The following SYN3 variants were observed in gnomAD, a reference collection of about 807,000 sequenced individuals.
SYN3 encodes synapsin-3.
Under a neutral mutation model 65.8 loss-of-function variants are expected in SYN3, and 35 were observed. That is an observed-to-expected ratio of 0.53 (90% confidence interval 0.41 to 0.70). The LOEUF is 0.70. Ranked by LOEUF, SYN3 falls within the 30% of genes least tolerant of loss-of-function variation. The pLI is 0.00. For missense variants in SYN3, 680 were observed against 749.0 expected (o/e 0.91, Z 1.08); for synonymous variants, 270 against 292.9 (o/e 0.92, Z 0.80).
At chr22:32,807,365 ATATAT>A (rs2046780864) in intron 6 of SYN3, among the ~76,000 whole-genome samples, 2 of 86,272 alleles carry the variant, frequency 2.3e-5, no homozygotes, top group Non-Finnish European at 4.3e-5. Context: ...AATATATAAT[ATATAT>A]TATATATAAT....
intron 1 of SYN3, among the ~76,000 whole-genome samples, chr22:33,049,801 G>A (rs2054130186): frequency 6.6e-6 from 1 of 152,180 alleles, no homozygotes; most frequent in East Asian, 1.9e-4. Flanking sequence ...CTGCTAACCT[G>A]TGAGCTAGAA....
chr22:32,728,930 A>T (rs982893525), intron 6 of SYN3, among the ~76,000 whole-genome samples: 1 of 152,160 alleles, frequency 6.6e-6, no homozygotes, highest in African/African-American at 2.4e-5. Context: ...AGAAGAGGAG[A>T]TGCAGGAAAG....
At chr22:32,552,049 A>C (rs937909399) in intron 7 of SYN3, among the ~76,000 whole-genome samples, 1 of 152,180 alleles carries the variant, frequency 6.6e-6, no homozygotes, top group Non-Finnish European at 1.5e-5. Context: ...AAGAGTTGAG[A>C]CCAGCCTGGC....
chr22:32,888,075 A>G (rs1382323497), intron 4 of SYN3, among the ~76,000 whole-genome samples: 1 of 152,188 alleles, frequency 6.6e-6, no homozygotes, highest in Non-Finnish European at 1.5e-5. Context: ...CTGATGATTA[A>G]TGATGTTTAA....
intron 3 of SYN3, among the ~76,000 whole-genome samples, chr22:32,948,554 G>A (rs1294470845): frequency 6.6e-6 from 1 of 151,950 alleles, no homozygotes; most frequent in East Asian, 1.9e-4. Flanking sequence ...GGCTAACATG[G>A]TGAAACCTCG....
At chr22:32,921,137 T>C (rs1433353010) in intron 4 of SYN3, among the ~76,000 whole-genome samples, 4 of 152,146 alleles carry the variant, frequency 2.6e-5, no homozygotes, top group Non-Finnish European at 5.9e-5. Flanking sequence ...ATTTAGACCA[T>C]TTAGGGGTGA....
intron 2 of SYN3, among the ~76,000 whole-genome samples, chr22:32,982,269 C>A (rs1163770447): frequency 6.6e-6 from 1 of 151,950 alleles, no homozygotes; most frequent in African/African-American, 2.4e-5. Flanking sequence ...CCAGTCTCAC[C>A]CATTTCTCTA....
At chr22:32,927,290 A>C (rs1292468367) in intron 4 of SYN3, among the ~76,000 whole-genome samples, 4 of 139,332 alleles carry the variant, frequency 2.9e-5, no homozygotes, top group Non-Finnish European at 4.6e-5. Flanking sequence ...TTGAGACAAG[A>C]TGTTTCTCTG....
chr22:32,651,716 C>T (rs1334546628), intron 6 of SYN3, among the ~76,000 whole-genome samples: 1 of 152,160 alleles, frequency 6.6e-6, no homozygotes, highest in East Asian at 1.9e-4. Context: ...CACCCTGCTT[C>T]CCAAACTGCT....
chr22:32,574,687 G>A (rs140424265), intron 7 of SYN3, among the ~76,000 whole-genome samples: 3 of 152,240 alleles, frequency 2.0e-5, no homozygotes, highest in East Asian at 1.9e-4. Flanking sequence ...CTTTGCCCTT[G>A]GTACTCCCTC....
Position 32,670,241 on chromosome 22 carries a change from T to C in SYN3, c.712-73505A>G, listed in dbSNP as rs377199566. Among the ~76,000 whole-genome samples, 619 of 152,300 alleles carry C rather than the reference T, an allele frequency of 4.1e-3. 2 individuals carry two copies. Among genetic ancestry groups the C allele is most frequent in the African/African-American group, 0.014 (574 of 41,570 alleles). On this transcript the variant is annotated intron_variant, in intron 6 of 13. Coordinates refer to ENST00000358763, the MANE Select transcript of SYN3 (RefSeq NM_003490.4). ...AGTTCTCTTGTTCCCAATATAGAAA[T>C]TAGAACTAGATATATCTCCCTCACA...
chr22:32,688,071 C>A (rs2060615174), intron 6 of SYN3, among the ~76,000 whole-genome samples: 1 of 152,162 alleles, frequency 6.6e-6, no homozygotes, highest in Non-Finnish European at 1.5e-5. Flanking sequence ...TTCTGTATAT[C>A]CCCAGTGGAT....
At chr22:32,903,687 A>G (rs1414355264) in intron 4 of SYN3, among the ~76,000 whole-genome samples, 1 of 152,218 alleles carries the variant, frequency 6.6e-6, no homozygotes, top group Non-Finnish European at 1.5e-5. Flanking sequence ...CCTTCCAGGT[A>G]CCCAAGAAGG....
At chr22:32,735,478 G>A (rs541605314) in intron 6 of SYN3, among the ~76,000 whole-genome samples, 100 of 152,306 alleles carry the variant, frequency 6.6e-4, no homozygotes, top group African/African-American at 2.4e-3. Context: ...GAATGACCTA[G>A]TGCAGGCTGG....
intron 1 of SYN3, among the ~76,000 whole-genome samples, chr22:33,047,509 A>C (rs1463371338): frequency 1.3e-5 from 2 of 152,156 alleles, no homozygotes; most frequent in African/African-American, 4.8e-5. Flanking sequence ...CTTTCAAAAA[A>C]TGTGTTAAGT....
chr22:32,578,684 A>G (rs990883243), intron 7 of SYN3, among the ~76,000 whole-genome samples: 1 of 152,248 alleles, frequency 6.6e-6, no homozygotes, highest in Non-Finnish European at 1.5e-5. Context: ...AAGGGCAAGT[A>G]TTATTCTGTA....
rs557448318 is a variant in SYN3 at position 32,608,313 on chromosome 22, G to A, written c.712-11577C>T. Among the ~76,000 whole-genome samples the A allele has an allele frequency of 3.2e-4, 49 of 152,252 alleles. 1 individual carries two copies. In the South Asian group the frequency reaches 6.2e-3, roughly 19 times the overall value. ...TCGAACTCCTGACGTCAAATGATCC[G>A]CCCGCTTCGGCTTCCCAAAGTGTTG... On this transcript the variant is annotated intron_variant, in intron 6 of 13. Transcript: ENST00000358763.
intron 1 of SYN3, among the ~76,000 whole-genome samples, chr22:33,008,924 C>CAAAAAAAAAAAAAAAAAAA (rs201719238): frequency 1.8e-5 from 1 of 57,066 alleles, no homozygotes; most frequent in African/African-American, 6.5e-5. Context: ...GACTTTATCT[C>CAAAAAAAAAAAAAAAAAAA]AAAAAAAAAA....
chr22:32,946,698 A>C (rs920762810), intron 3 of SYN3, among the ~76,000 whole-genome samples: 3 of 152,322 alleles, frequency 2.0e-5, no homozygotes, highest in Admixed American at 6.5e-5. Context: ...AATAAAAAAA[A>C]CTTTTTTCCC....
Sources: gnomAD v4.1 joint callset for allele counts (sites outside exome capture counted in the v4.1 genomes callset) on GRCh38, gnomAD v4.1.1 for gene constraint, MANE v1.5 for transcripts, NCBI Gene and HGNC (gene_info 2026-07-23, HGNC 2026-07-21) for gene names.